The following NAPG variants were observed in gnomAD, a reference collection of about 807,000 sequenced individuals.
NAPG encodes the protein NSF attachment protein gamma, also known as gamma-soluble NSF attachment protein.
Under a neutral mutation model 48.4 loss-of-function variants are expected in NAPG, and 25 were observed. The observed-to-expected ratio is 0.52, with a 90% CI of 0.38 to 0.72. NAPG has a LOEUF of 0.72. NAPG is among the 30% of genes least tolerant of loss of function. The pLI is 0.00. For missense variants in NAPG, 359 were observed against 372.5 expected (o/e 0.96, Z 0.30); for synonymous variants, 139 against 127.2 (o/e 1.09, Z -0.62).
rs745467486 is a variant in NAPG, at chr18:10,548,932, A to T, written c.666-35A>T. 6.2e-7 allele frequency: 1 copy of T among 1,602,196 alleles called. No homozygotes were observed. The highest frequency in any genetic ancestry group is 2.2e-5 in the East Asian group (1 of 44,544). On this transcript the variant is annotated intron_variant, in intron 10 of 11. Coordinates refer to ENST00000322897, the MANE Select transcript of NAPG (RefSeq NM_003826.3). The surrounding 1 kb of genome is among the most constrained non-coding windows in gnomAD (Gnocchi z 4.4). ...CTGCCTGAGATGTGTTCTTTTAAGG[A>T]GAAGGTGAAGACGTGTGATTTGTGC... is the stretch of plus-strand genomic sequence containing the variant.
Position 10,534,360 on chromosome 18 carries a change from C to T in NAPG, c.228-106C>T, listed in dbSNP as rs1006529137. The T allele has an allele frequency of 4.6e-5, 37 of 809,924 alleles. No homozygotes were observed. The African/African-American group carries it at 5.6e-4, about 12-fold the overall frequency. The allele number at this position is 809,924 out of a possible 1,614,324, so 50.2% of individuals were successfully genotyped here. On this transcript the variant is annotated intron_variant, in intron 4 of 11. Coordinates refer to ENST00000322897, the MANE Select transcript of NAPG (RefSeq NM_003826.3). This position sits in a 1 kb window ranked among gnomAD's most constrained non-coding sequence, Gnocchi z 5.0. ...TGAAGTGATATGTTGTGCATGAGCC[C>T]ATTGTAATTGAAGTCACTTTCCTTA...
chr18:10,550,131 T>C lies in NAPG; in HGVS notation c.850T>C (p.Ser284Pro), dbSNP rs1198052335. The C allele has an allele frequency of 1.9e-6, 3 of 1,575,938 alleles. No individual in the cohort carries two copies. In the East Asian group the frequency reaches 7.3e-5, roughly 39 times the overall value. The change falls in exon 12 of 12, where the codon TCA becomes CCA. Residue 284 changes from serine (S) to proline (P), a missense_variant. Ser to Pro is a moderately conservative substitution (Grantham distance 74). Coordinates refer to ENST00000322897, the MANE Select transcript of NAPG (RefSeq NM_003826.3). The stretch of plus-strand genomic sequence containing the variant: ...TCCAGGAGGGGGAATCAAGAAGAAA[T>C]CACCTGCAACACCACAGGCCAAGCC... ...VVPGGGIKKK[S>P]PATPQAKPDG...
At chr18:10,545,049 C>T (rs1375598821) in intron 8 of NAPG, among the ~76,000 whole-genome samples, 1 of 152,108 alleles carries the variant, frequency 6.6e-6, no homozygotes, top group African/African-American at 2.4e-5. Flanking sequence ...CGGTGGCTCA[C>T]GTCTATAATC....
chr18:10,542,973 C>A lies in NAPG; in HGVS notation c.506+2574C>A, dbSNP rs2032186077. Among the ~76,000 whole-genome samples the A allele has an allele frequency of 6.6e-6, 1 of 151,926 alleles. No homozygotes were observed. Among genetic ancestry groups the A allele is most frequent in the Non-Finnish European group, 1.5e-5 (1 of 67,996 alleles). On this transcript the variant is annotated intron_variant, in intron 8 of 11. Transcript: ENST00000322897. This position sits in a 1 kb window ranked among gnomAD's most constrained non-coding sequence, Gnocchi z 4.5. ...CTGAGGCAGGCAGATCACCTGAGGTCAGAAGTTCAAGATTAGCCTTGGCCA... is the reference window on the plus strand; with the variant it reads ...CTGAGGCAGGCAGATCACCTGAGGTAAGAAGTTCAAGATTAGCCTTGGCCA...
At position 10,532,739 on chromosome 18, in the gene NAPG, T is replaced by G. The variant is rs1224460192; in HGVS notation, c.153T>G (p.Phe51Leu). 9 of 1,592,444 alleles carry G rather than the reference T, an allele frequency of 5.7e-6. No homozygotes were observed. The Admixed American group carries it at 1.6e-4, about 28-fold the overall frequency. ...TTGCTTTTAAAAATGCCAAACAGTT[T>G]GAGCAAGCAAAAGATGCCTGCCTGA... ...AAVAFKNAKQ[F>L]EQAKDACLRE... Residue 51 changes from phenylalanine (F) to leucine (L), a missense_variant, in exon 3 of 12, where the codon TTT (phenylalanine) becomes TTG (leucine). Physicochemically the swap from Phe to Leu is conservative, Grantham distance 22. Coordinates refer to ENST00000322897, the MANE Select transcript of NAPG (RefSeq NM_003826.3).
rs760841954 is a variant in NAPG at position 10,548,981 on chromosome 18, A to G, written c.680A>G (p.Asn227Ser). The change falls in exon 11 of 12, where the codon AAT becomes AGT. Residue 227 changes from asparagine (N) to serine (S), a missense_variant. By Grantham distance (46) the Asn-to-Ser change is conservative. Coordinates refer to ENST00000322897, the MANE Select transcript of NAPG (RefSeq NM_003826.3). This position sits in a 1 kb window ranked among gnomAD's most constrained non-coding sequence, Gnocchi z 4.4. ...GCTTACTGCAGCATCCCTGGGTTCA[A>G]TGGCAGTGAAGACTGTGCTGCCCTG... ...VRESYSIPGFNGSEDCAALEQ... is the reference protein window; with the variant it reads ...VRESYSIPGFSGSEDCAALEQ... 1.9e-6 allele frequency: 3 copies of G among 1,613,542 alleles called. No individual in the cohort carries two copies. Among genetic ancestry groups the G allele is most frequent in the Non-Finnish European group, 1.7e-6 (2 of 1,179,686 alleles).
chr18:10,529,923 A>C (rs558579172), intron 1 of NAPG, among the ~76,000 whole-genome samples: 1 of 152,200 alleles, frequency 6.6e-6, no homozygotes, highest in Non-Finnish European at 1.5e-5. Context: ...ATTGAATGAC[A>C]TTTAGAATTT....
intron 9 of NAPG, among the ~76,000 whole-genome samples, chr18:10,547,615 T>G (rs1406879052): frequency 6.6e-6 from 1 of 152,126 alleles, no homozygotes; most frequent in Non-Finnish European, 1.5e-5. Flanking sequence ...GGCAAATACA[T>G]TATTGAAGTA....
chr18:10,547,209 G>T (rs945733042), intron 9 of NAPG, among the ~76,000 whole-genome samples: 5 of 152,220 alleles, frequency 3.3e-5, no homozygotes, highest in Non-Finnish European at 5.9e-5. Context: ...ACATAGCAAA[G>T]GATTTGAATT....
chr18:10,541,693 TC>T (rs2032161159), intron 8 of NAPG, among the ~76,000 whole-genome samples: 1 of 152,142 alleles, frequency 6.6e-6, no homozygotes, highest in Admixed American at 6.5e-5. Context: ...CCGACAAGAC[TC>T]CCAGTGCCTT....
chr18:10,540,330 A>T lies in NAPG; in HGVS notation c.437A>T (p.Asn146Ile), dbSNP rs1281764791. ...CTTGTTTTTCTTTGATTCCTTCAGA[A>T]TGAAGAACGCTTACGACAGGCAGTT... ...LYQQTANVFE[N>I]EERLRQAVEL... The change falls in exon 8 of 12, where the codon AAT (asparagine) becomes ATT (isoleucine). Residue 146 changes from asparagine (N) to isoleucine (I), a missense_variant and splice_region_variant. Asn to Ile is a moderately radical substitution (Grantham distance 149). Coordinates refer to ENST00000322897, the MANE Select transcript of NAPG (RefSeq NM_003826.3). The T allele has an allele frequency of 6.2e-7, 1 of 1,613,262 alleles. No individual in the cohort carries two copies. Among genetic ancestry groups the T allele is most frequent in the Non-Finnish European group, 8.5e-7 (1 of 1,179,322 alleles).
At chr18:10,533,635 C>A in intron 4 of NAPG, 82 bp downstream of exon 4, 1 of 1,197,066 alleles carries the variant, frequency 8.4e-7, no homozygotes, top group Non-Finnish European at 1.2e-6. Context: ...AATTTTTTCC[C>A]AAATTATAAA....
intron 1 of NAPG, chr18:10,526,433 G>A: frequency 2.1e-6 from 1 of 471,726 alleles, no homozygotes; most frequent in Non-Finnish European, 3.8e-6. Context: ...AGTGCTGCGG[G>A]GCGAGGGCTT....
chr18:10,528,412 G>A (rs1338860670), intron 1 of NAPG, among the ~76,000 whole-genome samples: 1 of 152,204 alleles, frequency 6.6e-6, no homozygotes, highest in Non-Finnish European at 1.5e-5. Context: ...TTCAGTGCTA[G>A]AATAGAAGTA....
At chr18:10,527,855 A>G (rs1171486984) in intron 1 of NAPG, among the ~76,000 whole-genome samples, 2 of 152,170 alleles carry the variant, frequency 1.3e-5, no homozygotes, top group Non-Finnish European at 2.9e-5. Context: ...TAGGCATCCA[A>G]CCAGTGGACT....
Position 10,546,500 on chromosome 18 carries a change from A to G in NAPG, c.585+96A>G, listed in dbSNP as rs1017475655. 7 of 678,130 alleles carry G rather than the reference A, an allele frequency of 1.0e-5. No individual in the cohort carries two copies. Among genetic ancestry groups the G allele is most frequent in the South Asian group, 4.2e-5 (2 of 48,010 alleles). 42.0% of individuals were successfully genotyped at this position (678,130 alleles called of 1,614,324 possible). On this transcript the variant is annotated intron_variant, in intron 9 of 11. Transcript: ENST00000322897. The surrounding 1 kb of genome is among the most constrained non-coding windows in gnomAD (Gnocchi z 4.0). ...AAGAAAGGATTCTATGGGTATTTCT[A>G]TGTTTTTGTAAAATAATACTTCATG...
At position 10,534,785 on chromosome 18, in the gene NAPG, A is replaced by G. The variant is rs1644178957; in HGVS notation, c.258+289A>G. On this transcript the variant is annotated intron_variant, in intron 5 of 11. Transcript: ENST00000322897. The surrounding 1 kb of genome is among the most constrained non-coding windows in gnomAD (Gnocchi z 5.0). ...TGTGTATTGCTATAAAAAGAGCTCT[A>G]TGGGAAGTTTCTCTACTTTTGAGAA... Among the ~76,000 whole-genome samples the G allele has an allele frequency of 1.3e-5, 2 of 152,232 alleles. No individual in the cohort carries two copies. The highest frequency in any genetic ancestry group is 4.8e-5 in the African/African-American group (2 of 41,462).
rs917746236 is a variant in NAPG at position 10,534,819 on chromosome 18, A to G, written c.258+323A>G. ...TTCTCTACTTTTGAGAAGGACATCT[A>G]AATGTAGTAAAATTTTATAAATATT... On this transcript the variant is annotated intron_variant, in intron 5 of 11. Transcript: ENST00000322897. The surrounding 1 kb of genome is among the most constrained non-coding windows in gnomAD (Gnocchi z 5.0). 9.9e-5 allele frequency among the ~76,000 whole-genome samples: 15 copies of G among 152,264 alleles called. No homozygotes were observed. The highest frequency in any genetic ancestry group is 3.6e-4 in the African/African-American group (15 of 41,476).
chr18:10,548,319 A>G lies in NAPG; in HGVS notation c.606A>G (p.Leu202=). The change falls in exon 10 of 12, where the codon TTA becomes TTG. Residue 202 remains leucine, a synonymous_variant. Coordinates refer to ENST00000322897, the MANE Select transcript of NAPG (RefSeq NM_003826.3). The surrounding 1 kb of genome is among the most constrained non-coding windows in gnomAD (Gnocchi z 4.4). ...TCYKKTIAQV[L]VHLHRNDYVA... ...TTTAGAAAACAATTGCTCAAGTCTT[A>G]GTTCATCTACACAGAAATGACTATG... 6.2e-7 allele frequency: 1 copy of G among 1,613,330 alleles called. No individual in the cohort carries two copies. Among genetic ancestry groups the G allele is most frequent in the Non-Finnish European group, 8.5e-7 (1 of 1,179,350 alleles).
Sources: gnomAD v4.1 joint callset for allele counts (sites outside exome capture counted in the v4.1 genomes callset) on GRCh38, gnomAD v4.1.1 for gene constraint, Gnocchi (gnomAD v3.1) non-coding constraint, MANE v1.5 for transcripts, NCBI Gene and HGNC (gene_info 2026-07-23, HGNC 2026-07-21) for gene names.